Variants in FAM110B observed in about 807,000 individuals in gnomAD.
FAM110B encodes family with sequence similarity 110 member B.
A neutral mutation model predicts 20.4 loss-of-function variants in FAM110B; 6 were observed. That is an observed-to-expected ratio of 0.29 (90% CI 0.16 to 0.58). The LOEUF is 0.58. Among genes scored for constraint, FAM110B ranks in the 20% least tolerant of loss-of-function variants. FAM110B has a pLI of 0.90. For missense variants in FAM110B, 434 were observed against 498.2 expected, an observed-to-expected ratio of 0.87 and a Z score of 1.23; for synonymous variants, 226 against 214.1, an observed-to-expected ratio of 1.06 and a Z score of -0.49.
At chr8:58,063,805 A>G (rs1338903747) in intron 2 of FAM110B, among the ~76,000 whole-genome samples, 2 of 152,182 alleles carry the variant, frequency 1.3e-5, no homozygotes, top group Non-Finnish European at 2.9e-5. Context: ...TTATTTAACT[A>G]ATTTGTTATT....
rs1554529072 is a variant in FAM110B at position 58,148,177 on chromosome 8, T to TTG, written c.*835_*836insGT. 4.1e-4 allele frequency: 65 copies of TTG among 158,118 alleles called. No individual in the cohort carries two copies. The highest frequency in any genetic ancestry group is 1.1e-3 in the South Asian group (5 of 4,678). 9.8% of individuals were successfully genotyped at this position (158,118 alleles called of 1,614,324 possible). A position where few individuals can be genotyped will look rare whatever the true frequency, so the allele number is the denominator to read the frequency against. On this transcript the variant is annotated 3_prime_UTR_variant, in exon 4 of 4. Transcript: ENST00000519262. ...AGTTGTGGTTTTTTGTTTTTTTTTT[T>TTG]TTTTTTTTTGGTCGAGAACTACTAA...
intron 2 of FAM110B, among the ~76,000 whole-genome samples, chr8:58,064,122 AG>A (rs1805714144): frequency 6.6e-6 from 1 of 152,214 alleles, no homozygotes. Flanking sequence ...TACAGTACCA[AG>A]GGTGATGGTA....
intron 3 of FAM110B, among the ~76,000 whole-genome samples, chr8:58,098,602 C>T (rs575327475): frequency 1.8e-4 from 27 of 152,288 alleles, no homozygotes; most frequent in African/African-American, 6.3e-4. Flanking sequence ...GAAAAGAAAC[C>T]CCTGAAGCTA....
intron 2 of FAM110B, among the ~76,000 whole-genome samples, chr8:58,041,229 C>T (rs60729123): frequency 0.019 from 2,864 of 152,136 alleles, 100 homozygotes; most frequent in African/African-American, 0.063. Context: ...CATGAGCCAC[C>T]GCGCGCAGCC....
chr8:58,082,753 G>T (rs924237389), intron 3 of FAM110B, among the ~76,000 whole-genome samples: 1 of 152,046 alleles, frequency 6.6e-6, no homozygotes, highest in Admixed American at 6.6e-5. Flanking sequence ...TGAGGTGGGA[G>T]GATCATTTGA....
intron 3 of FAM110B, among the ~76,000 whole-genome samples, chr8:58,099,936 G>A (rs543133225): frequency 3.9e-5 from 6 of 151,958 alleles, no homozygotes; most frequent in African/African-American, 9.7e-5. Context: ...TACCAACTGC[G>A]GGCTCAGCAT....
Position 58,124,309 on chromosome 8 carries a change from C to T in FAM110B, c.-324-21598C>T, listed in dbSNP as rs189515454. Reference sequence around the variant, plus strand: ...CCTAATGACAATGAAATTGTGAAACCCTCAGCTTCTCTGGTAACAAAGCAC... The same window carrying T: ...CCTAATGACAATGAAATTGTGAAACTCTCAGCTTCTCTGGTAACAAAGCAC... On this transcript the variant is annotated intron_variant, in intron 3 of 3. Transcript: ENST00000519262. 3.3e-3 allele frequency among the ~76,000 whole-genome samples: 503 copies of T among 152,284 alleles called. 6 individuals carry two copies. The highest frequency in any genetic ancestry group is 0.012 in the African/African-American group (486 of 41,562).
intron 2 of FAM110B, among the ~76,000 whole-genome samples, chr8:58,066,056 G>A (rs963105198): frequency 6.6e-6 from 1 of 152,158 alleles, no homozygotes; most frequent in African/African-American, 2.4e-5. Context: ...GCCCCAGCAT[G>A]AGAGTCCTAG....
At chr8:58,137,342 C>T (rs183284912) in intron 3 of FAM110B, among the ~76,000 whole-genome samples, 1 of 152,212 alleles carries the variant, frequency 6.6e-6, no homozygotes, top group African/African-American at 2.4e-5. Context: ...GGCGGATCAC[C>T]TTAGGTCAGG....
chr8:58,086,908 C>G (rs988091492), intron 3 of FAM110B, among the ~76,000 whole-genome samples: 1 of 152,222 alleles, frequency 6.6e-6, no homozygotes, highest in Non-Finnish European at 1.5e-5. Context: ...TTGGCATTCA[C>G]CAGGCACTTC....
At chr8:58,100,104 T>C (rs183390472) in intron 3 of FAM110B, among the ~76,000 whole-genome samples, 245 of 152,300 alleles carry the variant, frequency 1.6e-3, no homozygotes, top group African/African-American at 5.5e-3. Flanking sequence ...TAACTTAGAT[T>C]GTAGGGAAAT....
chr8:58,045,325 G>A (rs1230602737), intron 2 of FAM110B, among the ~76,000 whole-genome samples: 3 of 152,200 alleles, frequency 2.0e-5, no homozygotes, highest in Non-Finnish European at 2.9e-5. Flanking sequence ...AGTAAGTTCA[G>A]TGTTAATAGT....
intron 3 of FAM110B, chr8:58,091,737 T>G (rs1481577229): frequency 6.6e-6 from 1 of 152,212 alleles, no homozygotes; most frequent in Non-Finnish European, 1.5e-5. Flanking sequence ...TTTTTAATGG[T>G]GACCCTGAAA....
chr8:58,008,126 ATTTTTTTT>A (rs71248160), intron 1 of FAM110B, among the ~76,000 whole-genome samples: 1 of 116,012 alleles, frequency 8.6e-6, no homozygotes, highest in South Asian at 3.0e-4. Context: ...AAAAGCTTGC[ATTTTTTTT>A]TTTTTTTTTT....
At chr8:58,033,476 C>T (rs1805011798) in intron 2 of FAM110B, among the ~76,000 whole-genome samples, 1 of 152,194 alleles carries the variant, frequency 6.6e-6, no homozygotes, top group Non-Finnish European at 1.5e-5. Flanking sequence ...CTCCAAACTA[C>T]TTTCACAGTG....
chr8:58,000,644 T>C (rs1343556768), intron 1 of FAM110B, among the ~76,000 whole-genome samples: 4 of 152,208 alleles, frequency 2.6e-5, no homozygotes, highest in African/African-American at 9.7e-5. Flanking sequence ...GTTTACTTTC[T>C]CTGGCTACCA....
At chr8:58,001,186 A>G (rs1338706004) in intron 1 of FAM110B, among the ~76,000 whole-genome samples, 3 of 152,106 alleles carry the variant, frequency 2.0e-5, no homozygotes, top group Admixed American at 1.3e-4. Flanking sequence ...GTGAATCTGT[A>G]TGTTCCTCTC....
intron 3 of FAM110B, among the ~76,000 whole-genome samples, chr8:58,134,236 A>C (rs1476146296): frequency 6.6e-6 from 1 of 152,218 alleles, no homozygotes; most frequent in African/African-American, 2.4e-5. Context: ...TTTTTGACAA[A>C]TGAGATCAAC....
chr8:58,076,136 T>G (rs1205258781), intron 3 of FAM110B, among the ~76,000 whole-genome samples: 1 of 152,096 alleles, frequency 6.6e-6, no homozygotes, highest in Non-Finnish European at 1.5e-5. Context: ...TTTTAAAAAT[T>G]TTTTCATAGA....
Sources: allele counts gnomAD v4.1 joint callset (sites outside exome capture counted in the v4.1 genomes callset), GRCh38; gene constraint gnomAD v4.1.1; transcripts MANE v1.5; gene names NCBI Gene and HGNC (gene_info 2026-07-23, HGNC 2026-07-21).